The following TMEM126A variants were observed in gnomAD, a reference collection of about 807,000 sequenced individuals.
TMEM126A encodes optic atrophy 7.
Under a neutral mutation model 18.3 loss-of-function variants are expected in TMEM126A, and 10 were observed. The ratio of observed to expected loss-of-function variants is 0.55; its 90% CI spans 0.34 to 0.93. The LOEUF is 0.93. TMEM126A is among the 40% of genes least tolerant of loss of function. TMEM126A has a pLI of 0.02. For synonymous variants in TMEM126A, 68 were observed against 78.1 expected, an observed-to-expected ratio of 0.87 and a Z score of 0.68; for missense variants, 246 against 230.2, an observed-to-expected ratio of 1.07 and a Z score of -0.44.
chr11:85,650,776 A>T (rs1333665751), intron 2 of TMEM126A, among the ~76,000 whole-genome samples: 1 of 152,198 alleles, frequency 6.6e-6, no homozygotes, highest in Non-Finnish European at 1.5e-5. Flanking sequence ...TCTTTAAGAT[A>T]TTATTAAAGA....
intron 2 of TMEM126A, 147 bp from the exon 3 acceptor site, chr11:85,653,916 A>G (rs2082518252): frequency 1.1e-6 from 1 of 900,046 alleles, no homozygotes; most frequent in East Asian, 2.6e-5. Flanking sequence ...ACCTATATAT[A>G]AAGCAATTTT....
intron 1 of TMEM126A, among the ~76,000 whole-genome samples, chr11:85,649,609 C>G (rs543000750): frequency 1.6e-4 from 25 of 152,298 alleles, no homozygotes; most frequent in African/African-American, 5.3e-4. Flanking sequence ...TTGGGTAAAG[C>G]TACCCCACAG....
chr11:85,655,066 C>CT (rs1411407843), intron 3 of TMEM126A, among the ~76,000 whole-genome samples: 1 of 152,066 alleles, frequency 6.6e-6, no homozygotes, highest in African/African-American at 2.4e-5. Flanking sequence ...GTGCTGAATA[C>CT]TTTGAGTACA....
At chr11:85,648,681 T>G (rs1047004843) in intron 1 of TMEM126A, among the ~76,000 whole-genome samples, 1 of 152,150 alleles carries the variant, frequency 6.6e-6, no homozygotes, top group Non-Finnish European at 1.5e-5. Flanking sequence ...TGTCTTATCA[T>G]CTTATCGTAG....
Position 85,654,455 on chromosome 11 carries a change from C to CT in TMEM126A, c.280+204dup, listed in dbSNP as rs1450179095. The stretch of plus-strand genomic sequence containing the variant: ...TGCACATACACAGCAGTTCTAAATA[C>CT]TTTTTCTTTAATTGAGATGGAGTTT... On this transcript the variant is annotated intron_variant, in intron 3 of 4. Transcript: ENST00000304511. 2.0e-5 allele frequency among the ~76,000 whole-genome samples: 3 copies of CT among 152,260 alleles called. No homozygotes were observed. In the East Asian group the frequency reaches 5.8e-4, roughly 29 times the overall value.
chr11:85,654,850 T>C (rs2082526229), intron 3 of TMEM126A, among the ~76,000 whole-genome samples: 1 of 150,294 alleles, frequency 6.7e-6, no homozygotes, highest in African/African-American at 2.4e-5. Flanking sequence ...ATTATATATA[T>C]GGAAATATTA....
At position 85,656,430 on chromosome 11, in the gene TMEM126A, C is replaced by G. The variant is rs762843225; in HGVS notation, c.517C>G (p.Leu173Val). Residue 173 changes from leucine to valine, a missense_variant, in exon 5 of 5, where the codon CTT becomes GTT. By Grantham distance (32) the Leu-to-Val change is conservative. Transcript: ENST00000304511. Reference protein sequence around the residue: ...ILLQTMFSAYLGSEQYKLLIK... With the variant: ...ILLQTMFSAYVGSEQYKLLIK... ...GCTCCAGACTATGTTTTCAGCATAC[C>G]TTGGGTCTGAACAATATAAACTACT... The G allele has an allele frequency of 1.2e-6, 2 of 1,613,150 alleles. No homozygotes were observed. The highest frequency in any genetic ancestry group is 1.3e-5 in the African/African-American group (1 of 74,842).
chr11:85,654,407 T>C (rs2082523011), intron 3 of TMEM126A, 151 bp downstream of exon 3: 2 of 767,536 alleles, frequency 2.6e-6, no homozygotes, highest in South Asian at 3.5e-5. Context: ...ATAATTCATA[T>C]TAGTATGGTC....
Position 85,650,294 on chromosome 11 carries a change from A to AT in TMEM126A, c.39_40insT (p.Ile14TyrfsTer3), listed in dbSNP as rs1472584409. The AT allele has an allele frequency of 6.2e-7, 1 of 1,608,808 alleles. No individual in the cohort carries two copies. Among genetic ancestry groups the AT allele is most frequent in the Non-Finnish European group, 8.5e-7 (1 of 1,176,162 alleles). ...AATCCAATAATAAGGAAAACATAAC[A>AT]ATTGTTGATATATCCAGAAAAATTA... On this transcript the variant is annotated frameshift_variant, in exon 2 of 5. Transcript: ENST00000304511. LOFTEE classifies it high-confidence loss of function.
At chr11:85,656,180 G>A (rs890993564) in intron 4 of TMEM126A, 129 bp from the exon 5 acceptor site, 16 of 822,514 alleles carry the variant, frequency 1.9e-5, no homozygotes, top group Admixed American at 2.5e-5. Flanking sequence ...AGGATTAATA[G>A]ACACTGAAGA....
intron 3 of TMEM126A, among the ~76,000 whole-genome samples, chr11:85,654,743 G>A (rs2082525370): frequency 6.6e-6 from 1 of 152,030 alleles, no homozygotes; most frequent in Admixed American, 6.6e-5. Context: ...GTGAGCCACT[G>A]CACCCGGCAA....
chr11:85,653,707 C>T (rs1002814183), intron 2 of TMEM126A, among the ~76,000 whole-genome samples: 1 of 152,078 alleles, frequency 6.6e-6, no homozygotes, highest in African/African-American at 2.4e-5. Flanking sequence ...CATTATTGAA[C>T]ATCTTCTGTG....
chr11:85,649,291 T>A (rs2082482825), intron 1 of TMEM126A, among the ~76,000 whole-genome samples: 1 of 152,164 alleles, frequency 6.6e-6, no homozygotes, highest in Non-Finnish European at 1.5e-5. Context: ...CATTCACCAT[T>A]CCCTTCACAT....
chr11:85,654,639 G>A (rs544062591), intron 3 of TMEM126A, among the ~76,000 whole-genome samples: 2 of 152,170 alleles, frequency 1.3e-5, no homozygotes, highest in African/African-American at 2.4e-5. Flanking sequence ...TTTTAGTAGA[G>A]ACAGGGTTTC....
At chr11:85,656,207 C>A in intron 4 of TMEM126A, 102 bp from the exon 5 acceptor site, 2 of 1,025,164 alleles carry the variant, frequency 2.0e-6, no homozygotes, top group South Asian at 1.4e-5. Flanking sequence ...CTTTAATATT[C>A]AGTTTTATCT....
chr11:85,648,121 A>C (rs1331628137), intron 1 of TMEM126A, 32 bp downstream of exon 1: 1 of 152,338 alleles, frequency 6.6e-6, no homozygotes, highest in Non-Finnish European at 1.5e-5. Flanking sequence ...GGGTGAAGTA[A>C]ATGTCCCGGT....
In TMEM126A at chr11:85,654,051, T is replaced by A. The variant is rs746874453; in HGVS notation, c.87-12T>A. 3.1e-6 allele frequency: 5 copies of A among 1,614,158 alleles called. No individual in the cohort carries two copies. Among genetic ancestry groups the A allele is most frequent in the Non-Finnish European group, 4.2e-6 (5 of 1,180,004 alleles). On this transcript the variant is annotated splice_polypyrimidine_tract_variant and intron_variant, in intron 2 of 4. Coordinates refer to ENST00000304511, the MANE Select transcript of TMEM126A (RefSeq NM_032273.4). ...AATGCCAAAGAAAAGTTCTTTCTTC[T>A]CACCCTTTCAGGAATCTACTTGAAA...
chr11:85,655,901 G>C (rs2082534401), intron 4 of TMEM126A, among the ~76,000 whole-genome samples, 193 bp downstream of exon 4: 1 of 152,154 alleles, frequency 6.6e-6, no homozygotes, highest in African/African-American at 2.4e-5. Context: ...TACTTGGTGT[G>C]TAGTTAGGCT....
At chr11:85,653,937 G>C in intron 2 of TMEM126A, 126 bp from the exon 3 acceptor site, 1 of 1,176,760 alleles carries the variant, frequency 8.5e-7, no homozygotes, top group Non-Finnish European at 1.3e-6. Context: ...TAAGATTTTG[G>C]TTCTATAAGG....
Sources: allele counts gnomAD v4.1 joint callset (sites outside exome capture counted in the v4.1 genomes callset), GRCh38; gene constraint gnomAD v4.1.1; transcripts MANE v1.5; gene names NCBI Gene and HGNC (gene_info 2026-07-23, HGNC 2026-07-21).